Variants in DLGAP1 observed in about 807,000 individuals in gnomAD.
The protein encoded by DLGAP1 is DLG associated protein 1, also known as disks large-associated protein 1.
DLGAP1 carries 11 observed loss-of-function variants against 90.8 expected under a neutral mutation model. The ratio of observed to expected loss-of-function variants is 0.12; its 90% CI spans 0.08 to 0.20. The LOEUF is 0.20. Among genes scored for constraint, DLGAP1 ranks in the 10% least tolerant of loss-of-function variants. The pLI, the probability that DLGAP1 is intolerant of heterozygous loss-of-function variation, is 1.00. For missense variants in DLGAP1, 1,050 were observed against 1,333.8 expected (o/e 0.79, Z 3.31); for synonymous variants, 558 against 540.7 (o/e 1.03, Z -0.44).
intron 1 of DLGAP1, among the ~76,000 whole-genome samples, chr18:4,442,038 C>T (rs2083548103): frequency 6.6e-6 from 1 of 152,232 alleles, no homozygotes; most frequent in South Asian, 2.1e-4. Context: ...GTCGCCCAGG[C>T]TGGAGTGCAG....
chr18:3,849,783 T>C (rs1003240776), intron 4 of DLGAP1, among the ~76,000 whole-genome samples: 1 of 152,204 alleles, frequency 6.6e-6, no homozygotes, highest in Non-Finnish European at 1.5e-5. Context: ...CTTGTTATCC[T>C]TTGCCTCTAC....
At chr18:3,709,597 C>T (rs1351488531) in intron 7 of DLGAP1, among the ~76,000 whole-genome samples, 1 of 152,150 alleles carries the variant, frequency 6.6e-6, no homozygotes, top group Non-Finnish European at 1.5e-5. Context: ...TACATTTGCA[C>T]TGGGTCCTAG....
chr18:3,886,386 C>T (rs2071313956), intron 3 of DLGAP1, among the ~76,000 whole-genome samples: 1 of 152,094 alleles, frequency 6.6e-6, no homozygotes, highest in African/African-American at 2.4e-5. Context: ...AATGGAATAT[C>T]CATCACGTCA....
chr18:4,370,278 G>A (rs1567867927), intron 1 of DLGAP1, among the ~76,000 whole-genome samples: 6 of 152,168 alleles, frequency 3.9e-5, no homozygotes, highest in African/African-American at 1.4e-4. Context: ...GGAAAGAAAA[G>A]CAGGAAAGAG....
At chr18:3,741,228 T>TCAC (rs1332964689) in intron 6 of DLGAP1, among the ~76,000 whole-genome samples, 4 of 55,938 alleles carry the variant, frequency 7.2e-5, no homozygotes, top group Non-Finnish European at 1.3e-4. Context: ...CACATCACCA[T>TCAC]CACCACCACC....
At chr18:3,530,184 T>C (rs1370613582) in intron 10 of DLGAP1, among the ~76,000 whole-genome samples, 1 of 152,140 alleles carries the variant, frequency 6.6e-6, no homozygotes, top group Non-Finnish European at 1.5e-5. Context: ...AGTGGGGGGA[T>C]TGCTTGAGGC....
chr18:3,614,004 G>A (rs1249992589), intron 7 of DLGAP1, among the ~76,000 whole-genome samples: 28 of 151,956 alleles, frequency 1.8e-4, no homozygotes, highest in Admixed American at 1.7e-3. Flanking sequence ...CTCACTGCAA[G>A]CTCCGCCCCC....
intron 2 of DLGAP1, among the ~76,000 whole-genome samples, chr18:4,037,752 G>A (rs2074912204): frequency 6.6e-6 from 1 of 152,156 alleles, no homozygotes; most frequent in African/African-American, 2.4e-5. Flanking sequence ...CTGAGGTCAG[G>A]AGCTCAAGAC....
chr18:4,058,487 A>C (rs929304360), intron 2 of DLGAP1, among the ~76,000 whole-genome samples: 2 of 152,126 alleles, frequency 1.3e-5, no homozygotes, highest in African/African-American at 4.8e-5. Flanking sequence ...TTCTGCCTGC[A>C]CAGGGCCTTA....
At chr18:4,096,969 G>A (rs563810991) in intron 2 of DLGAP1, among the ~76,000 whole-genome samples, 126 of 152,306 alleles carry the variant, frequency 8.3e-4, no homozygotes, top group Admixed American at 1.3e-3. Context: ...TAAACATTGT[G>A]TAAGTGTTGG....
chr18:4,067,523 A>G (rs2075387265), intron 2 of DLGAP1, among the ~76,000 whole-genome samples: 1 of 152,052 alleles, frequency 6.6e-6, no homozygotes, highest in African/African-American at 2.4e-5. Context: ...GAGACTGCCA[A>G]AGCAGACTCT....
At chr18:3,810,984 T>G (rs2066804076) in intron 5 of DLGAP1, among the ~76,000 whole-genome samples, 1 of 151,964 alleles carries the variant, frequency 6.6e-6, no homozygotes, top group Non-Finnish European at 1.5e-5. Flanking sequence ...TTTTGTAGTT[T>G]TTGTAGAGAC....
chr18:4,378,180 T>C lies in DLGAP1; in HGVS notation c.-267+76826A>G, dbSNP rs182395776. On this transcript the variant is annotated intron_variant, in intron 1 of 12. Transcript: ENST00000315677. This position sits in a 1 kb window ranked among gnomAD's most constrained non-coding sequence, Gnocchi z 4.5. ...AAGTCTGCAAAGATACTACAAACTA[T>C]GGTTATCTATACGGAAGACTACTGA... 3.3e-5 allele frequency among the ~76,000 whole-genome samples: 5 copies of C among 150,784 alleles called. No individual in the cohort carries two copies. Among genetic ancestry groups the C allele is most frequent in the Admixed American group, 1.3e-4 (2 of 15,084 alleles).
At chr18:4,201,433 G>T (rs1161731031) in intron 1 of DLGAP1, among the ~76,000 whole-genome samples, 1 of 151,984 alleles carries the variant, frequency 6.6e-6, no homozygotes, top group Non-Finnish European at 1.5e-5. Context: ...GTTGGTTGTA[G>T]GTATTTGGCT....
chr18:3,839,374 G>C (rs2068578580), intron 4 of DLGAP1, among the ~76,000 whole-genome samples: 1 of 152,172 alleles, frequency 6.6e-6, no homozygotes, highest in South Asian at 2.1e-4. Context: ...GGAGCAACAA[G>C]CCCTCAAACT....
chr18:3,928,128 T>C lies in DLGAP1; in HGVS notation c.-72-47988A>G, dbSNP rs1352898115. ...ACTGCTATTTCTTTTCTCTGCTTCT[T>C]ATGGTATTCTGTCTGCACTTGTATC... On this transcript the variant is annotated intron_variant, in intron 3 of 12. Transcript: ENST00000315677. Among the ~76,000 whole-genome samples the C allele has an allele frequency of 1.3e-5, 2 of 152,208 alleles. 1 individual carries two copies. Among genetic ancestry groups the C allele is most frequent in the Middle Eastern group, 6.3e-3 (2 of 316 alleles).
rs183360146 is a variant in DLGAP1, at chr18:3,837,830, C to T, written c.958-23557G>A. Among the ~76,000 whole-genome samples the T allele has an allele frequency of 1.2e-3, 126 of 106,804 alleles. 1 individual carries two copies. Among genetic ancestry groups the T allele is most frequent in the African/African-American group, 4.0e-3 (111 of 27,694 alleles). 70.1% of individuals were successfully genotyped at this position (106,804 alleles called of 152,430 possible). ...TCAAGCCACTGCACTCCAGCCTGGG[C>T]GACAGAGTGAGATTCTGTCAAAAAA... On this transcript the variant is annotated intron_variant, in intron 4 of 12. Coordinates refer to ENST00000315677, the MANE Select transcript of DLGAP1 (RefSeq NM_004746.4).
At chr18:4,103,632 T>G (rs1322265857) in intron 2 of DLGAP1, among the ~76,000 whole-genome samples, 1 of 152,152 alleles carries the variant, frequency 6.6e-6, no homozygotes, top group Non-Finnish European at 1.5e-5. Flanking sequence ...TAGTATTGAA[T>G]AATACCTGAG....
intron 5 of DLGAP1, among the ~76,000 whole-genome samples, chr18:3,755,118 T>C (rs967873370): frequency 3.9e-5 from 6 of 151,962 alleles, no homozygotes; most frequent in Non-Finnish European, 7.4e-5. Context: ...ATCTCTGGAG[T>C]AACCATTATG....
Sources: gnomAD v4.1 joint callset for allele counts (sites outside exome capture counted in the v4.1 genomes callset) on GRCh38, gnomAD v4.1.1 for gene constraint, Gnocchi (gnomAD v3.1) non-coding constraint, MANE v1.5 for transcripts, NCBI Gene and HGNC (gene_info 2026-07-23, HGNC 2026-07-21) for gene names.